BBX: variants seen among roughly 807,000 people sequenced by gnomAD.
BBX encodes the protein HMG box transcription factor BBX.
In BBX, 30 loss-of-function variants were observed where a neutral mutation model predicts 100.2. That is an observed-to-expected ratio of 0.30 (90% CI 0.22 to 0.41). BBX has a LOEUF of 0.41. Ranked by LOEUF, BBX falls within the 10% of genes least tolerant of loss-of-function variation. The pLI, the probability that BBX is intolerant of heterozygous loss-of-function variation, is 1.00. For synonymous variants in BBX, 376 were observed against 388.1 expected (o/e 0.97, Z 0.37); for missense variants, 1,023 against 1,129.8 (o/e 0.91, Z 1.35).
At chr3:107,551,186 CTG>C (rs1432586981) in intron 2 of BBX, among the ~76,000 whole-genome samples, 2 of 152,122 alleles carry the variant, frequency 1.3e-5, no homozygotes, top group Non-Finnish European at 2.9e-5. Context: ...TTTGTATATT[CTG>C]TGTTATACAT....
intron 9 of BBX, among the ~76,000 whole-genome samples, chr3:107,754,840 T>C (rs1457960619): frequency 6.6e-6 from 1 of 152,236 alleles, no homozygotes; most frequent in Non-Finnish European, 1.5e-5. Flanking sequence ...TGTATGTCCT[T>C]CTCAGCTCTT....
intron 9 of BBX, among the ~76,000 whole-genome samples, chr3:107,751,425 T>C (rs2065069583): frequency 6.6e-6 from 1 of 152,220 alleles, no homozygotes; most frequent in African/African-American, 2.4e-5. Context: ...TTAACTAGAT[T>C]TTCTCTTGAA....
At chr3:107,611,227 A>G (rs1426822594) in intron 2 of BBX, among the ~76,000 whole-genome samples, 19 of 152,236 alleles carry the variant, frequency 1.2e-4, no homozygotes, top group Non-Finnish European at 1.0e-4. Context: ...TGTATTTTTC[A>G]TCACTTTATC....
chr3:107,608,047 A>G (rs953954931), intron 2 of BBX, among the ~76,000 whole-genome samples: 1 of 151,884 alleles, frequency 6.6e-6, no homozygotes, highest in Non-Finnish European at 1.5e-5. Flanking sequence ...TTTGTTTTGC[A>G]AGAAACTTTT....
rs191497463 is a variant in BBX, at chr3:107,633,781, A to G, written c.-83-12055A>G. Among the ~76,000 whole-genome samples the G allele has an allele frequency of 1.2e-3, 185 of 152,360 alleles. 1 individual carries two copies. Among genetic ancestry groups the G allele is most frequent in the Non-Finnish European group, 1.7e-3 (114 of 68,040 alleles). On this transcript the variant is annotated intron_variant, in intron 2 of 17. Coordinates refer to ENST00000325805, the MANE Select transcript of BBX (RefSeq NM_001142568.3). Reference sequence around the variant, plus strand: ...TTCAGTTTTAACCTCTGAAACCACCATACAAAATTATGTCTGATGTCTCTT... The same window carrying G: ...TTCAGTTTTAACCTCTGAAACCACCGTACAAAATTATGTCTGATGTCTCTT...
chr3:107,752,020 G>T (rs1044040354), intron 9 of BBX, among the ~76,000 whole-genome samples: 1 of 152,118 alleles, frequency 6.6e-6, no homozygotes, highest in African/African-American at 2.4e-5. Flanking sequence ...TATTTAACAG[G>T]CCTAAAAGCC....
At chr3:107,632,239 A>T (rs1576087895) in intron 2 of BBX, among the ~76,000 whole-genome samples, 1 of 151,042 alleles carries the variant, frequency 6.6e-6, no homozygotes, top group Admixed American at 6.6e-5. Flanking sequence ...CACCATGCCC[A>T]GCTAATTTTT....
At chr3:107,556,763 A>G (rs1372340933) in intron 2 of BBX, among the ~76,000 whole-genome samples, 2 of 152,170 alleles carry the variant, frequency 1.3e-5, no homozygotes, top group Non-Finnish European at 2.9e-5. Context: ...TTCTGGAGCT[A>G]CCTCTTAAAT....
intron 1 of BBX, among the ~76,000 whole-genome samples, chr3:107,523,941 G>A (rs893254880): frequency 2.0e-5 from 3 of 151,584 alleles, no homozygotes; most frequent in East Asian, 1.9e-4. Flanking sequence ...TAGGGGGAGA[G>A]GGGGAAGAGG....
intron 3 of BBX, among the ~76,000 whole-genome samples, chr3:107,690,996 T>C (rs2060135396): frequency 7.0e-6 from 1 of 143,748 alleles, no homozygotes; most frequent in African/African-American, 2.6e-5. Context: ...ACCTCCTGGC[T>C]CCAAGGCTCA....
At chr3:107,799,510 A>G (rs752875890) in intron 16 of BBX, among the ~76,000 whole-genome samples, 4 of 152,126 alleles carry the variant, frequency 2.6e-5, no homozygotes, top group African/African-American at 4.8e-5. Context: ...ATCTTTCTCA[A>G]TGTGCACAAA....
In BBX at chr3:107,584,087, ATCATATATTATATATATTATATATTATAT is replaced by A; in HGVS notation, c.-84+57690_-84+57718del. Among the ~76,000 whole-genome samples the A allele has an allele frequency of 9.7e-5, 3 of 30,822 alleles. No individual in the cohort carries two copies. In the South Asian group the frequency reaches 2.0e-3, roughly 20 times the overall value. 20.2% of individuals were successfully genotyped at this position (30,822 alleles called of 152,430 possible). On this transcript the variant is annotated intron_variant, in intron 2 of 17. Transcript: ENST00000325805. ...ATCATATATTATATATATTATATAT[ATCATATATTATATATATTATATATTATAT>A]ATAATATATATATTATTATATATAT...
chr3:107,573,225 C>G (rs1446900152), intron 2 of BBX, among the ~76,000 whole-genome samples: 2 of 152,118 alleles, frequency 1.3e-5, no homozygotes, highest in Admixed American at 6.6e-5. Flanking sequence ...TCTGGTATCT[C>G]TTTGTATAAA....
chr3:107,612,115 A>G (rs999552376), intron 2 of BBX, among the ~76,000 whole-genome samples: 1 of 151,964 alleles, frequency 6.6e-6, no homozygotes, highest in African/African-American at 2.4e-5. Context: ...TAGGATTCTG[A>G]ATTTCTTCTC....
Position 107,710,567 on chromosome 3 carries a change from T to C in BBX, c.107T>C (p.Leu36Pro). Reference protein sequence around the residue: ...LQWHPLLAKKLLDFSEEEEEE... With the variant: ...LQWHPLLAKKPLDFSEEEEEE... ...TGGCATCCATTGCTAGCAAAGAAACTTCTTGATTTTTCAGAAGAGGAAGAA... is the reference window on the plus strand; with the variant it reads ...TGGCATCCATTGCTAGCAAAGAAACCTCTTGATTTTTCAGAAGAGGAAGAA... Residue 36 changes from leucine to proline, a missense_variant, in exon 4 of 18, where the codon CTT becomes CCT. Leu to Pro is a moderately conservative substitution (Grantham distance 98, BLOSUM62 -3). This residue lies in a region of BBX where 229 missense variants were observed against 226.3 expected (regional missense o/e 1.01). Transcript: ENST00000325805. The C allele has an allele frequency of 6.2e-7, 1 of 1,613,860 alleles. No homozygotes were observed. The highest frequency in any genetic ancestry group is 8.5e-7 in the Non-Finnish European group (1 of 1,179,934).
At chr3:107,649,440 AT>A (rs1343648416) in intron 3 of BBX, among the ~76,000 whole-genome samples, 1 of 152,192 alleles carries the variant, frequency 6.6e-6, no homozygotes, top group African/African-American at 2.4e-5. Context: ...TTGTTTTCTC[AT>A]TGTAGTATAG....
At chr3:107,791,353 A>C (rs1424614118) in intron 15 of BBX, 54 bp downstream of exon 15, 2 of 1,478,742 alleles carry the variant, frequency 1.4e-6, no homozygotes, top group East Asian at 4.5e-5. Flanking sequence ...AAATGACATA[A>C]GTTGTATAGG....
chr3:107,582,673 G>A (rs181113577), intron 2 of BBX, among the ~76,000 whole-genome samples: 8 of 152,142 alleles, frequency 5.3e-5, no homozygotes, highest in African/African-American at 1.9e-4. Flanking sequence ...TACTTCCTGT[G>A]TTAATGTTGT....
intron 10 of BBX, among the ~76,000 whole-genome samples, chr3:107,757,285 T>G (rs565171089): frequency 4.6e-4 from 70 of 152,190 alleles, no homozygotes; most frequent in Middle Eastern, 6.8e-3. Context: ...TTTTCTTTCT[T>G]TGGCATAGCA....
Sources: allele counts gnomAD v4.1 joint callset (sites outside exome capture counted in the v4.1 genomes callset), GRCh38; gene constraint gnomAD v4.1.1; regional missense constraint gnomAD v4.1.1; transcripts MANE v1.5; gene names NCBI Gene and HGNC (gene_info 2026-07-23, HGNC 2026-07-21).